The following PCDHGA6 variants were observed in gnomAD, a reference collection of about 807,000 sequenced individuals.
PCDHGA6 encodes protocadherin gamma subfamily A, 6.
A neutral mutation model predicts 60.6 loss-of-function variants in PCDHGA6; 41 were observed. That is an observed-to-expected ratio of 0.68 (90% CI 0.53 to 0.88). PCDHGA6 has a LOEUF of 0.88. PCDHGA6 is among the 40% of genes least tolerant of loss of function. The pLI is 0.00. For missense variants in PCDHGA6, 1,312 were observed against 1,203.0 expected, an observed-to-expected ratio of 1.09 and a Z score of -1.34; for synonymous variants, 594 against 524.4, an observed-to-expected ratio of 1.13 and a Z score of -1.81.
chr5:141,438,347 C>T (rs150878327), intron 1 of PCDHGA6, among the ~76,000 whole-genome samples: 7 of 151,730 alleles, frequency 4.6e-5, no homozygotes, highest in Non-Finnish European at 2.9e-5. Flanking sequence ...TAAGGATCTA[C>T]TCTGTGTATT....
chr5:141,392,615 C>A (rs2092564205), intron 1 of PCDHGA6: 1 of 536,798 alleles, frequency 1.9e-6, no homozygotes, highest in Non-Finnish European at 3.2e-6. Context: ...CAAATGCAAC[C>A]GAAAACACTC....
chr5:141,439,117 C>T (rs1219829519), intron 1 of PCDHGA6, among the ~76,000 whole-genome samples: 6 of 150,696 alleles, frequency 4.0e-5, no homozygotes, highest in African/African-American at 7.3e-5. Context: ...CACTTGAACC[C>T]GGGAGACAGA....
Position 141,447,434 on chromosome 5 carries a change from G to A in PCDHGA6, c.2425-47373G>A, listed in dbSNP as rs114249648. ...ATTACAGGCGTGAGCCACCGCACCC[G>A]GAGGAAATTTTTAACCTCAGTTTTT... On this transcript the variant is annotated intron_variant, in intron 1 of 3. Transcript: ENST00000517434. 2.8e-3 allele frequency among the ~76,000 whole-genome samples: 425 copies of A among 152,164 alleles called. 1 individual carries two copies. The highest frequency in any genetic ancestry group is 9.5e-3 in the African/African-American group (394 of 41,546).
chr5:141,421,055 C>A, intron 1 of PCDHGA6: 2 of 577,118 alleles, frequency 3.5e-6, no homozygotes, highest in South Asian at 2.4e-5. Flanking sequence ...GCCTCTACCA[C>A]ACAAAGCGGA....
Position 141,403,122 on chromosome 5 carries a change from G to A in PCDHGA6, c.2424+26615G>A, listed in dbSNP as rs550510039. 4.3e-5 allele frequency: 69 copies of A among 1,613,932 alleles called. No individual in the cohort carries two copies. Among genetic ancestry groups the A allele is most frequent in the East Asian group, 8.9e-5 (4 of 44,898 alleles). ...TCCAAGGACCTGGCTCTGGAGCCCC[G>A]GGAGCTGGCGGAGCGCCGAGTCCGC... On this transcript the variant is annotated intron_variant, in intron 1 of 3. Transcript: ENST00000517434.
At position 141,493,887 on chromosome 5, in the gene PCDHGA6, G is replaced by C. The variant is rs760575047; in HGVS notation, c.2425-920G>C. On this transcript the variant is annotated intron_variant, in intron 1 of 3. Transcript: ENST00000517434. This position sits in a 1 kb window ranked among gnomAD's most constrained non-coding sequence, Gnocchi z 4.3. Reference sequence around the variant, plus strand: ...AGAACCAGTGAGGAGGTGGCTCTAGGAGTGCTCCATGAGAGTGTGTGATGG... The same window carrying C: ...AGAACCAGTGAGGAGGTGGCTCTAGCAGTGCTCCATGAGAGTGTGTGATGG... Among the ~76,000 whole-genome samples, 11 of 152,184 alleles carry C rather than the reference G, an allele frequency of 7.2e-5. No homozygotes were observed. Among genetic ancestry groups the C allele is most frequent in the Non-Finnish European group, 1.2e-4 (8 of 68,026 alleles).
In PCDHGA6 at chr5:141,500,527, A is replaced by C. The variant is rs937551961; in HGVS notation, c.2484-4866A>C. On this transcript the variant is annotated intron_variant, in intron 2 of 3. Transcript: ENST00000517434. ...CCTGGCCGAGCTTCATTTTAAAAAA[A>C]TCTCATTCACCTAAATAAGTTGTTC... is the stretch of plus-strand genomic sequence containing the variant. 5.9e-5 allele frequency among the ~76,000 whole-genome samples: 9 copies of C among 152,298 alleles called. No individual in the cohort carries two copies. The South Asian group carries it at 6.2e-4, about 11-fold the overall frequency.
chr5:141,383,977 A>G (rs1187887484), intron 1 of PCDHGA6: 1 of 1,613,786 alleles, frequency 6.2e-7, no homozygotes, highest in Non-Finnish European at 8.5e-7. Flanking sequence ...CCCTGAAGAC[A>G]CACCTCTTGG....
At chr5:141,383,607 T>C in intron 1 of PCDHGA6, 1 of 1,613,780 alleles carries the variant, frequency 6.2e-7, no homozygotes, top group South Asian at 1.1e-5. Flanking sequence ...TGGATGTGAA[T>C]GACCACACGC....
chr5:141,401,830 T>C (rs950842785), intron 1 of PCDHGA6, among the ~76,000 whole-genome samples: 4 of 152,216 alleles, frequency 2.6e-5, no homozygotes, highest in Admixed American at 1.3e-4. Context: ...TGCTGAGATT[T>C]CTTATAATAC....
chr5:141,405,090 C>A, intron 1 of PCDHGA6: 1 of 1,613,950 alleles, frequency 6.2e-7, no homozygotes, highest in Non-Finnish European at 8.5e-7. Flanking sequence ...ACGCTGCTGG[C>A]CCTCAGGCTG....
At chr5:141,404,917 G>C in intron 1 of PCDHGA6, 1 of 1,613,772 alleles carries the variant, frequency 6.2e-7, no homozygotes, top group Non-Finnish European at 8.5e-7. Flanking sequence ...CCCCTCTCTC[G>C]GCCACTGTCA....
intron 1 of PCDHGA6, chr5:141,408,741 T>C: frequency 6.2e-7 from 1 of 1,610,092 alleles, no homozygotes; most frequent in Non-Finnish European, 8.5e-7. Context: ...TATTTTTCAT[T>C]AATGGTTAGA....
chr5:141,497,831 C>T (rs1336808833), intron 2 of PCDHGA6, among the ~76,000 whole-genome samples: 1 of 152,162 alleles, frequency 6.6e-6, no homozygotes, highest in Non-Finnish European at 1.5e-5. Flanking sequence ...TGATCGCCCC[C>T]GGCCACAACA....
chr5:141,508,901 C>T (rs1466455227), intron 3 of PCDHGA6, among the ~76,000 whole-genome samples: 1 of 151,946 alleles, frequency 6.6e-6, no homozygotes, highest in South Asian at 2.1e-4. Flanking sequence ...GGGGGCGGGG[C>T]GGTGGCGGAT....
chr5:141,487,667 A>G lies in PCDHGA6; in HGVS notation c.2425-7140A>G, dbSNP rs2099657916. ...GCTTGAGGGTTATTCTGATCCAGGC[A>G]TATGGCTAGGCCATGTCCTAGAGAG... On this transcript the variant is annotated intron_variant, in intron 1 of 3. Transcript: ENST00000517434. This position sits in a 1 kb window ranked among gnomAD's most constrained non-coding sequence, Gnocchi z 5.0. 6.2e-7 allele frequency: 1 copy of G among 1,612,782 alleles called. No individual in the cohort carries two copies. The highest frequency in any genetic ancestry group is 1.1e-5 in the South Asian group (1 of 90,692).
intron 1 of PCDHGA6, among the ~76,000 whole-genome samples, chr5:141,433,653 T>C (rs1030084681): frequency 6.6e-6 from 1 of 152,024 alleles, no homozygotes; most frequent in Non-Finnish European, 1.5e-5. Flanking sequence ...CTGACCAACA[T>C]GGAGAAACCC....
intron 2 of PCDHGA6, among the ~76,000 whole-genome samples, chr5:141,502,152 C>T (rs1306227782): frequency 2.0e-5 from 3 of 152,128 alleles, no homozygotes; most frequent in African/African-American, 4.8e-5. Flanking sequence ...AAGTAAGGAC[C>T]CCAGATATTC....
At position 141,486,427 on chromosome 5, in the gene PCDHGA6, A is replaced by T. The variant is rs775958317; in HGVS notation, c.2425-8380A>T. ...CTGGACCCTTGGATCGAGAGGCCAAATCTAGCTATGACATCATGGTCACTG... is the reference window on the plus strand; with the variant it reads ...CTGGACCCTTGGATCGAGAGGCCAATTCTAGCTATGACATCATGGTCACTG... On this transcript the variant is annotated intron_variant, in intron 1 of 3. Transcript: ENST00000517434. The surrounding 1 kb of genome is among the most constrained non-coding windows in gnomAD (Gnocchi z 5.0). 17 of 1,614,042 alleles carry T rather than the reference A, an allele frequency of 1.1e-5. No homozygotes were observed. The Admixed American group carries it at 2.8e-4, about 27-fold the overall frequency.
Sources: allele counts gnomAD v4.1 joint callset (sites outside exome capture counted in the v4.1 genomes callset), GRCh38; gene constraint gnomAD v4.1.1; non-coding constraint Gnocchi (gnomAD v3.1); transcripts MANE v1.5; gene names NCBI Gene and HGNC (gene_info 2026-07-23, HGNC 2026-07-21).